Variants in BTBD7 observed in about 807,000 individuals in gnomAD.
BTBD7 encodes the protein BTB/POZ domain-containing protein 7.
BTBD7 carries 38 observed loss-of-function variants against 99.9 expected under a neutral mutation model. That is an observed-to-expected ratio of 0.38 (90% CI 0.29 to 0.50). BTBD7 has a LOEUF of 0.50. Ranked by LOEUF, BTBD7 falls within the 20% of genes least tolerant of loss-of-function variation. The pLI is 0.93. For synonymous variants in BTBD7, 520 were observed against 511.4 expected (o/e 1.02, Z -0.23); for missense variants, 1,170 against 1,394.6 (o/e 0.84, Z 2.57).
At position 93,248,653 on chromosome 14, in the gene BTBD7, A is replaced by G; in HGVS notation, c.1944T>C (p.Val648=). ...TGTCTTTCATAATGAGGAGACGAGG[A>G]ACTGGAAGGAGAACAACAGTGGGCA... ...PPSVVANEIP[V]PRLLIMKDMV... The change falls in exon 9 of 11, where the codon GTT becomes GTC. Residue 648 remains valine, a splice_region_variant and synonymous_variant. Coordinates refer to ENST00000334746, the MANE Select transcript of BTBD7 (RefSeq NM_001002860.4). 6.2e-7 allele frequency: 1 copy of G among 1,602,856 alleles called. No individual in the cohort carries two copies.
In BTBD7 at chr14:93,326,558, T is replaced by G. The variant is rs145607420; in HGVS notation, c.-107+6262A>C. On this transcript the variant is annotated intron_variant, in intron 1 of 10. Transcript: ENST00000334746. Reference sequence around the variant, plus strand: ...AGCTCACGCCTATAATCCCAGCAATTTGGGAGGCTGAGGCGGGTGGGTCAC... The same window carrying G: ...AGCTCACGCCTATAATCCCAGCAATGTGGGAGGCTGAGGCGGGTGGGTCAC... Among the ~76,000 whole-genome samples the G allele has an allele frequency of 5.1e-3, 769 of 152,146 alleles. 7 individuals are homozygous for G. Among genetic ancestry groups the G allele is most frequent in the African/African-American group, 0.017 (709 of 41,492 alleles).
At chr14:93,330,255 C>A (rs2053386879) in intron 1 of BTBD7, among the ~76,000 whole-genome samples, 1 of 152,210 alleles carries the variant, frequency 6.6e-6, no homozygotes, top group Admixed American at 6.5e-5. Context: ...AGACAAATAG[C>A]TTTCCAACTG....
rs572317261 is a variant in BTBD7 at position 93,242,440 on chromosome 14, A to G, written c.3232T>C (p.Cys1078Arg). The change falls in exon 11 of 11, where the codon TGT becomes CGT. Residue 1078 changes from cysteine to arginine, a missense_variant. Cys to Arg is a radical substitution (Grantham distance 180, BLOSUM62 -3). This residue lies in a region of BTBD7 where 495 missense variants were observed against 525.9 expected (regional missense o/e 0.94). Coordinates refer to ENST00000334746, the MANE Select transcript of BTBD7 (RefSeq NM_001002860.4). Reference protein sequence around the residue: ...LTPNRPSLSACSSEAPEERSG... With the variant: ...LTPNRPSLSARSSEAPEERSG... ...CTCTCTTCGGGAGCTTCAGAGCTAC[A>G]TGCAGAAAGTGAAGGTCTGTTAGGA... 1.1e-5 allele frequency: 17 copies of G among 1,614,240 alleles called. No homozygotes were observed. In the Admixed American group the frequency reaches 1.3e-4, roughly 13 times the overall value.
At chr14:93,243,109 G>C (rs2052256617) in intron 10 of BTBD7, 21 bp from the exon 11 acceptor site, 1 of 1,589,836 alleles carries the variant, frequency 6.3e-7, no homozygotes. Context: ...AGACAAAAAT[G>C]GTGGGAGGGT....
At chr14:93,248,329 A>AT in intron 9 of BTBD7, 147 bp downstream of exon 9, 1 of 761,510 alleles carries the variant, frequency 1.3e-6, no homozygotes, top group Non-Finnish European at 2.1e-6. Context: ...ACCAGGAGGG[A>AT]CTTGCAGGTT....
At chr14:93,303,938 C>T (rs2053036932) in intron 1 of BTBD7, among the ~76,000 whole-genome samples, 1 of 152,178 alleles carries the variant, frequency 6.6e-6, no homozygotes, top group Non-Finnish European at 1.5e-5. Context: ...CTACAGCAGC[C>T]AGTGCAGGAG....
intron 1 of BTBD7, among the ~76,000 whole-genome samples, chr14:93,299,581 T>C (rs995443444): frequency 2.8e-5 from 4 of 145,276 alleles, no homozygotes; most frequent in Non-Finnish European, 5.9e-5. Context: ...TCCCTCTTAA[T>C]AGCATATGAT....
chr14:93,328,661 G>T lies in BTBD7; in HGVS notation c.-107+4159C>A, dbSNP rs548406906. ...AGGCTGGGCACAGTGGCTCACACCT[G>T]TAATCCCAGTACCTTGGGTTGAGGC... On this transcript the variant is annotated intron_variant, in intron 1 of 10. Transcript: ENST00000334746. Among the ~76,000 whole-genome samples the T allele has an allele frequency of 3.5e-5, 5 of 144,192 alleles. No homozygotes were observed. In the East Asian group the frequency reaches 1.0e-3, roughly 30 times the overall value. 94.6% of individuals were successfully genotyped at this position (144,192 alleles called of 152,430 possible). A position where few individuals can be genotyped will look rare whatever the true frequency, so the allele number is the denominator to read the frequency against.
At chr14:93,322,533 T>TA (rs369468662) in intron 1 of BTBD7, among the ~76,000 whole-genome samples, 4 of 152,240 alleles carry the variant, frequency 2.6e-5, no homozygotes, top group Admixed American at 1.3e-4. Flanking sequence ...AAAGAACACA[T>TA]AAAAAATACA....
intron 8 of BTBD7, among the ~76,000 whole-genome samples, chr14:93,250,118 A>G (rs1366774417): frequency 1.3e-5 from 2 of 152,220 alleles, no homozygotes; most frequent in Non-Finnish European, 2.9e-5. Context: ...CCAAGATATG[A>G]GCCCCCTAAT....
In BTBD7 at chr14:93,238,367, G is replaced by T. The variant is rs986402621; in HGVS notation, c.*3906C>A. On this transcript the variant is annotated 3_prime_UTR_variant, in exon 11 of 11. Transcript: ENST00000334746. ...TATTGTTCATACAACAGCGTTAATGGAAAACAGTAAAACACCTTTTAGCAG... is the reference window on the plus strand; with the variant it reads ...TATTGTTCATACAACAGCGTTAATGTAAAACAGTAAAACACCTTTTAGCAG... 1 of 152,486 alleles carries T rather than the reference G, an allele frequency of 6.6e-6. No homozygotes were observed. Among genetic ancestry groups the T allele is most frequent in the African/African-American group, 2.4e-5 (1 of 41,392 alleles). The allele number at this position is 152,486 out of a possible 1,614,324, so 9.4% of individuals were successfully genotyped here.
At chr14:93,321,376 T>A (rs530559002) in intron 1 of BTBD7, among the ~76,000 whole-genome samples, 2 of 152,270 alleles carry the variant, frequency 1.3e-5, no homozygotes, top group South Asian at 2.1e-4. Context: ...GTGGATCGCT[T>A]GAGGTCAGGA....
Position 93,294,692 on chromosome 14 carries a change from C to T in BTBD7, c.328G>A (p.Ala110Thr), listed in dbSNP as rs755351990. ...ALVEEYEGTS[A>T]LKELSLQASL... ...GCTTGTAGAGAAAGCTCCTTTAATGCTGATGTTCCCTCATATTCCTCCACT... is the reference window on the plus strand; with the variant it reads ...GCTTGTAGAGAAAGCTCCTTTAATGTTGATGTTCCCTCATATTCCTCCACT... Residue 110 changes from alanine (A) to threonine (T), a missense_variant, in exon 3 of 11, where the codon GCA (alanine) becomes ACA (threonine). By Grantham distance (58) the Ala-to-Thr change is moderately conservative. Transcript: ENST00000334746. 3 of 1,614,160 alleles carry T rather than the reference C, an allele frequency of 1.9e-6. No homozygotes were observed. The highest frequency in any genetic ancestry group is 3.3e-5 in the Admixed American group (2 of 60,006).
rs147626093 is a variant in BTBD7, at chr14:93,295,868, T to C, written c.82+102A>G. 1.4e-3 allele frequency: 1,440 copies of C among 1,046,246 alleles called. 19 individuals are homozygous for C. In the African/African-American group the frequency reaches 0.021, roughly 15 times the overall value. The allele number at this position is 1,046,246 out of a possible 1,614,324, so 64.8% of individuals were successfully genotyped here. A position where few individuals can be genotyped will look rare whatever the true frequency, so the allele number is the denominator to read the frequency against. ...AAACCTAGATGCTGCAGAATTATTA[T>C]AATAACTACAGCTCACTTCTTTTGT... On this transcript the variant is annotated intron_variant, in intron 2 of 10. Transcript: ENST00000334746.
chr14:93,288,063 C>T (rs1030733954), intron 3 of BTBD7: 4 of 163,066 alleles, frequency 2.5e-5, no homozygotes, highest in Admixed American at 6.2e-5. Flanking sequence ...GTTGTTGCTA[C>T]TGAAAATCTC....
At chr14:93,277,289 T>C (rs955818286) in intron 3 of BTBD7, among the ~76,000 whole-genome samples, 9 of 152,210 alleles carry the variant, frequency 5.9e-5, no homozygotes, top group Non-Finnish European at 8.8e-5. Context: ...TAATACGGCA[T>C]TTAAAATGTT....
intron 1 of BTBD7, among the ~76,000 whole-genome samples, chr14:93,317,756 G>C (rs926137462): frequency 2.0e-5 from 3 of 152,186 alleles, no homozygotes; most frequent in Admixed American, 2.0e-4. Context: ...TATTTAATAA[G>C]GGTGATTTAC....
chr14:93,246,371 G>A, intron 9 of BTBD7, 85 bp from the exon 10 acceptor site: 2 of 1,335,150 alleles, frequency 1.5e-6, no homozygotes, highest in East Asian at 2.5e-5. Flanking sequence ...AATTAAGTGA[G>A]GTACTTAAGA....
Position 93,239,118 on chromosome 14 carries a change from T to A in BTBD7, c.*3155A>T, listed in dbSNP as rs2052192286. On this transcript the variant is annotated 3_prime_UTR_variant, in exon 11 of 11. Transcript: ENST00000334746. ...GAAACAATTACGTTTCAAATACTTT[T>A]TGCCTTTCATGATGCTGTTTTTTCC... 1 of 152,298 alleles carries A rather than the reference T, an allele frequency of 6.6e-6. No homozygotes were observed. The highest frequency in any genetic ancestry group is 1.5e-5 in the Non-Finnish European group (1 of 68,044). The allele number at this position is 152,298 out of a possible 1,614,324, so 9.4% of individuals were successfully genotyped here.
Sources: allele counts gnomAD v4.1 joint callset (sites outside exome capture counted in the v4.1 genomes callset), GRCh38; gene constraint gnomAD v4.1.1; regional missense constraint gnomAD v4.1.1; transcripts MANE v1.5; gene names NCBI Gene and HGNC (gene_info 2026-07-23, HGNC 2026-07-21).